The following COBL variants were observed in gnomAD, a reference collection of about 807,000 sequenced individuals.
COBL encodes protein cordon-bleu.
A neutral mutation model predicts 98.8 loss-of-function variants in COBL; 51 were observed. That is an observed-to-expected ratio of 0.52 (90% confidence interval 0.41 to 0.65). The LOEUF is 0.65. Ranked by LOEUF, COBL falls within the 30% of genes least tolerant of loss-of-function variation. The pLI, the probability that COBL is intolerant of heterozygous loss-of-function variation, is 0.00. For synonymous variants in COBL, 634 were observed against 651.7 expected (o/e 0.97, Z 0.41); for missense variants, 1,617 against 1,617.5 (o/e 1.00, Z 0.01).
At chr7:51,263,944 A>G (rs528693694) in intron 1 of COBL, among the ~76,000 whole-genome samples, 2 of 152,330 alleles carry the variant, frequency 1.3e-5, no homozygotes, top group East Asian at 3.9e-4. Flanking sequence ...GCACTGTGGT[A>G]GGTTCTTAGT....
intron 6 of COBL, among the ~76,000 whole-genome samples, chr7:51,098,167 T>C (rs1795466837): frequency 6.8e-6 from 1 of 147,470 alleles, no homozygotes; most frequent in Non-Finnish European, 1.5e-5. Context: ...ATGTCCATGC[T>C]ACCCAAAACA....
At chr7:51,136,940 T>C (rs931415660) in intron 5 of COBL, among the ~76,000 whole-genome samples, 11 of 152,206 alleles carry the variant, frequency 7.2e-5, no homozygotes, top group African/African-American at 2.4e-4. Flanking sequence ...AACACACTAA[T>C]TGCTCTCAAG....
intron 8 of COBL, among the ~76,000 whole-genome samples, chr7:51,041,823 T>C (rs1789228324): frequency 6.6e-6 from 1 of 152,164 alleles, no homozygotes; most frequent in Non-Finnish European, 1.5e-5. Flanking sequence ...ATAATATTTA[T>C]TTGATGAGTT....
chr7:51,238,931 C>A (rs1231803269), intron 1 of COBL, among the ~76,000 whole-genome samples: 1 of 152,210 alleles, frequency 6.6e-6, no homozygotes, highest in African/African-American at 2.4e-5. Flanking sequence ...GCTCATAGGG[C>A]TCTCAAGAGC....
chr7:51,065,572 T>A (rs1482088745), intron 7 of COBL: 18 of 604,486 alleles, frequency 3.0e-5, no homozygotes, highest in Non-Finnish European at 5.3e-5. Context: ...TCAGCACAGC[T>A]TGCCAGAAAG....
At chr7:51,051,964 C>T (rs1790285351) in intron 7 of COBL, among the ~76,000 whole-genome samples, 1 of 152,200 alleles carries the variant, frequency 6.6e-6, no homozygotes, top group Non-Finnish European at 1.5e-5. Context: ...CTCTATGCCA[C>T]TGTCATGGGC....
At chr7:51,292,829 C>G (rs1049695049) in intron 1 of COBL, among the ~76,000 whole-genome samples, 1 of 152,230 alleles carries the variant, frequency 6.6e-6, no homozygotes, top group Non-Finnish European at 1.5e-5. Flanking sequence ...TAAAGAGGAG[C>G]AGGGCCCTCT....
At chr7:51,288,706 A>C (rs1165364058) in intron 1 of COBL, among the ~76,000 whole-genome samples, 2 of 152,172 alleles carry the variant, frequency 1.3e-5, no homozygotes, top group African/African-American at 4.8e-5. Context: ...GTGAGCTGAG[A>C]TCACGTTATT....
At chr7:51,119,880 A>T (rs1052389864) in intron 6 of COBL, among the ~76,000 whole-genome samples, 1 of 152,226 alleles carries the variant, frequency 6.6e-6, no homozygotes, top group Non-Finnish European at 1.5e-5. Context: ...AAGGAAATAG[A>T]ACTCAGAAAA....
intron 5 of COBL, among the ~76,000 whole-genome samples, chr7:51,144,561 C>T (rs1295596637): frequency 2.0e-5 from 3 of 152,138 alleles, no homozygotes; most frequent in South Asian, 4.2e-4. Context: ...TAAAATTAAC[C>T]GTGTTAGCCA....
At chr7:51,179,136 C>G (rs1314684327) in intron 5 of COBL, among the ~76,000 whole-genome samples, 1 of 152,058 alleles carries the variant, frequency 6.6e-6, no homozygotes, top group Non-Finnish European at 1.5e-5. Flanking sequence ...AAACAGGGAC[C>G]CTGGAACTCC....
chr7:51,057,848 C>A (rs1267223018), intron 7 of COBL, among the ~76,000 whole-genome samples: 1 of 152,142 alleles, frequency 6.6e-6, no homozygotes. Context: ...TGTCCCCTTG[C>A]GAGGCAGGGA....
At chr7:51,247,638 G>GCC (rs1477574057) in intron 1 of COBL, among the ~76,000 whole-genome samples, 1 of 152,080 alleles carries the variant, frequency 6.6e-6, no homozygotes, top group East Asian at 1.9e-4. Context: ...TCATGGCAGG[G>GCC]GGTGGGGAGT....
At chr7:51,101,111 A>G (rs891017602) in intron 6 of COBL, among the ~76,000 whole-genome samples, 1 of 152,212 alleles carries the variant, frequency 6.6e-6, no homozygotes, top group African/African-American at 2.4e-5. Flanking sequence ...CCCAAAGTTA[A>G]TAACATCTAT....
At position 51,112,030 on chromosome 7, in the gene COBL, G is replaced by A. The variant is rs561818868; in HGVS notation, c.957+24128C>T. 6.6e-5 allele frequency among the ~76,000 whole-genome samples: 10 copies of A among 152,144 alleles called. No homozygotes were observed. In the East Asian group the frequency reaches 1.2e-3, roughly 18 times the overall value. On this transcript the variant is annotated intron_variant, in intron 6 of 12. Coordinates refer to ENST00000265136, the MANE Select transcript of COBL (RefSeq NM_015198.5). ...GGAATCCAGTTCACTTGCATGGCAC[G>A]GGGACCACTAAGAACAAGTCCAGGC...
intron 1 of COBL, among the ~76,000 whole-genome samples, chr7:51,276,925 A>G (rs1204687422): frequency 1.3e-5 from 2 of 152,194 alleles, no homozygotes; most frequent in East Asian, 3.9e-4. Context: ...ACCAGCTAAG[A>G]GGTGAAATGT....
intron 6 of COBL, among the ~76,000 whole-genome samples, chr7:51,128,078 A>G (rs1169367303): frequency 6.6e-6 from 1 of 152,248 alleles, no homozygotes; most frequent in Non-Finnish European, 1.5e-5. Context: ...CTGGATACAT[A>G]GAAACCCCAC....
chr7:51,164,628 G>GA (rs1409778671), intron 5 of COBL, among the ~76,000 whole-genome samples: 2 of 151,808 alleles, frequency 1.3e-5, no homozygotes, highest in Admixed American at 6.6e-5. Context: ...ACTTTAATCA[G>GA]AAAAAAACAG....
intron 5 of COBL, among the ~76,000 whole-genome samples, chr7:51,183,032 G>A (rs773161258): frequency 6.6e-6 from 1 of 152,134 alleles, no homozygotes; most frequent in Non-Finnish European, 1.5e-5. Flanking sequence ...GTCTAAGCCT[G>A]GGACACTAAG....
Sources: allele counts gnomAD v4.1 joint callset (sites outside exome capture counted in the v4.1 genomes callset), GRCh38; gene constraint gnomAD v4.1.1; transcripts MANE v1.5; gene names NCBI Gene and HGNC (gene_info 2026-07-23, HGNC 2026-07-21).